TTN: variants seen among roughly 807,000 people sequenced by gnomAD.
TTN encodes the protein connectin.
TTN carries 1,525 observed loss-of-function variants against 3,223.0 expected under a neutral mutation model. The ratio of observed to expected loss-of-function variants is 0.47; its 90% confidence interval spans 0.45 to 0.49. The LOEUF (loss-of-function observed/expected upper bound fraction) is 0.49, where lower values mean the gene tolerates loss of function less well. TTN is among the 20% of genes least tolerant of loss of function. TTN has a pLI of 0.00. For synonymous variants in TTN, 14,094 were observed against 15,161.0 expected, an observed-to-expected ratio of 0.93 and a Z score of 5.17; for missense variants, 40,786 against 43,424.0, an observed-to-expected ratio of 0.94 and a Z score of 5.40.
rs143975327 is a variant in TTN at position 178,558,217 on chromosome 2, A to C, written c.87137T>G (p.Met29046Arg). 1.2e-4 allele frequency: 192 copies of C among 1,606,944 alleles called. No individual in the cohort carries two copies. In the African/African-American group the frequency reaches 2.4e-3, roughly 20 times the overall value. ...TACAGTGTGACTTGGGAAATTCTTCATATCAATTTCAGGTGGTTCTGAAAA... is the reference window on the plus strand; with the variant it reads ...TACAGTGTGACTTGGGAAATTCTTCCTATCAATTTCAGGTGGTTCTGAAAA... The part of the protein sequence containing the change: ...KEQLEPPEID[M>R]KNFPSHTVYV... Residue 29046 changes from methionine (M) to arginine (R), a missense_variant, in exon 328 of 363, where the codon ATG becomes AGG. Met to Arg is a moderately conservative substitution (Grantham distance 91). Transcript: ENST00000589042.
At position 178,740,689 on chromosome 2, in the gene TTN, C is replaced by G; in HGVS notation, c.12544G>C (p.Glu4182Gln). ...GACATGGCACTTGGGAAGATTTTCT[C>G]GGTATCTGATAGAACTGCCTGTGTC... ...PETQAVLSDT[E>Q]KIFPSAMSIE... The change falls in exon 48 of 363, where the codon GAG becomes CAG. Residue 4182 changes from glutamate (E) to glutamine (Q), a missense_variant. Transcript: ENST00000589042. 6.2e-7 allele frequency: 1 copy of G among 1,613,758 alleles called. No homozygotes were observed. Among genetic ancestry groups the G allele is most frequent in the African/African-American group, 1.3e-5 (1 of 74,994 alleles).
At position 178,621,381 on chromosome 2, in the gene TTN, A is replaced by G. The variant is rs113084617; in HGVS notation, c.45350-13T>C. 1,643 of 1,606,982 alleles carry G rather than the reference A, an allele frequency of 1.0e-3. 21 individuals carry two copies. The African/African-American group carries it at 0.019, about 19-fold the overall frequency. Reference sequence around the variant, plus strand: ...TCAGCAGCCAGTTCTGGGAAGAAAAAGTTACAAGATATTAGAAACATATGT... The same window carrying G: ...TCAGCAGCCAGTTCTGGGAAGAAAAGGTTACAAGATATTAGAAACATATGT... On this transcript the variant is annotated splice_polypyrimidine_tract_variant and intron_variant, in intron 245 of 362. Transcript: ENST00000589042.
Position 178,577,270 on chromosome 2 carries a change from G to T in TTN, c.69065C>A (p.Ala23022Asp). 6.2e-7 allele frequency: 1 copy of T among 1,612,896 alleles called. No individual in the cohort carries two copies. The highest frequency in any genetic ancestry group is 8.5e-7 in the Non-Finnish European group (1 of 1,179,480). The change falls in exon 324 of 363, where the codon GCT becomes GAT. Residue 23022 changes from alanine to aspartate, a missense_variant. Transcript: ENST00000589042. ...RKDAGEYTIT[A>D]TNPFGTKVEH... The stretch of plus-strand genomic sequence containing the variant: ...CACCTTCGTGCCAAAAGGATTGGTA[G>T]CAGTGATGGTATATTCACCCGCATC...
chr2:178,672,766 C>T (rs2067242827), intron 152 of TTN, 63 bp from the exon 153 acceptor site: 4 of 1,351,516 alleles, frequency 3.0e-6, no homozygotes, highest in Non-Finnish European at 4.1e-6. Flanking sequence ...GAAATAAAAA[C>T]ACCAGAGACA....
Position 178,731,070 on chromosome 2 carries a change from C to T in TTN, c.17595G>A (p.Leu5865=), listed in dbSNP as rs2154308833. The change falls in exon 60 of 363, where the codon CTG becomes CTA. Residue 5865 remains leucine, a synonymous_variant. Transcript: ENST00000589042. ...TGACACTGATTTTATATTTTGAGCC[C>T]AGGGTCAGTTCTTGGCCATCTTTAA... ...KWFKDGQELT[L]GSKYKISVTD... 2.5e-6 allele frequency: 4 copies of T among 1,613,652 alleles called. No individual in the cohort carries two copies. Among genetic ancestry groups the T allele is most frequent in the Non-Finnish European group, 3.4e-6 (4 of 1,179,726 alleles).
rs747806875 is a variant in TTN, at chr2:178,682,727, G to T, written c.33064C>A (p.Arg11022=). ...ATGTATTCTTCATGCTCTTCATATC[G>T]TTCATACTCCCGCTCCTCGTATTCT... ...YEEYEEREYE[R]YEEHEEYITE... Residue 11022 remains arginine, a synonymous_variant, in exon 135 of 363, where the codon CGA becomes AGA. Coordinates refer to ENST00000589042, the MANE Select transcript of TTN (RefSeq NM_001267550.2). 2 of 1,612,284 alleles carry T rather than the reference G, an allele frequency of 1.2e-6. No homozygotes were observed. The highest frequency in any genetic ancestry group is 3.3e-5 in the Admixed American group (2 of 59,902).
At chr2:178,667,120 T>C in intron 162 of TTN, 116 bp downstream of exon 162, 1 of 1,088,440 alleles carries the variant, frequency 9.2e-7, no homozygotes, top group Non-Finnish European at 1.3e-6. Flanking sequence ...ATCAGATCCT[T>C]TAAACACAGT....
chr2:178,629,176 G>T, intron 240 of TTN, 125 bp downstream of exon 240: 1 of 1,315,814 alleles, frequency 7.6e-7, no homozygotes, highest in Non-Finnish European at 1.0e-6. Flanking sequence ...CAGGCTAAAG[G>T]CGGAAAGAGA....
In TTN at chr2:178,667,247, G is replaced by A. The variant is rs752367298; in HGVS notation, c.35786C>T (p.Pro11929Leu). ...CTAGAGAATTATACCTTCAGTTGGA[G>A]GATGTTCTGGAATTTCAGGAATAGC... is the stretch of plus-strand genomic sequence containing the variant. ...PEAIPEIPEH[P>L]PTEEFEVFKE... Residue 11929 changes from proline to leucine, a missense_variant, in exon 162 of 363, where the codon CCT (proline) becomes CTT (leucine). Coordinates refer to ENST00000589042, the MANE Select transcript of TTN (RefSeq NM_001267550.2). 6.2e-7 allele frequency: 1 copy of A among 1,601,126 alleles called. No homozygotes were observed. The highest frequency in any genetic ancestry group is 8.5e-7 in the Non-Finnish European group (1 of 1,173,622).
chr2:178,603,309 A>G (rs2053945441), intron 282 of TTN, among the ~76,000 whole-genome samples: 1 of 152,004 alleles, frequency 6.6e-6, no homozygotes, highest in Admixed American at 6.6e-5. Context: ...AGAGAATCTA[A>G]TCAGATATGT....
intron 311 of TTN, 104 bp downstream of exon 311, chr2:178,584,172 C>G (rs941577928): frequency 7.6e-7 from 1 of 1,315,326 alleles, no homozygotes; most frequent in South Asian, 1.5e-5. Flanking sequence ...CTTCAGATCT[C>G]TACTACTCTC....
Position 178,723,101 on chromosome 2 carries a change from G to A in TTN, c.21906C>T (p.Cys7302=), listed in dbSNP as rs370548693. 4.2e-5 allele frequency: 67 copies of A among 1,613,354 alleles called. No homozygotes were observed. Among genetic ancestry groups the A allele is most frequent in the Admixed American group, 5.0e-5 (3 of 59,956 alleles). ...STKRDAGQYS[C]EIENEAGRDV... ...CCCTTCCTGCCTCATTTTCAATCTC[G>A]CAGGAATACTGCCCTGCATCTCTTT... Residue 7302 remains cysteine, a synonymous_variant, in exon 75 of 363, where the codon TGC becomes TGT. Transcript: ENST00000589042.
rs938988662 is a variant in TTN at position 178,677,225 on chromosome 2, C to T, written c.34354G>A (p.Val11452Met). Residue 11452 changes from valine (V) to methionine (M), a missense_variant, in exon 147 of 363, where the codon GTG (valine) becomes ATG (methionine). Physicochemically the swap from Val to Met is conservative, Grantham distance 21 (BLOSUM62 1). Coordinates refer to ENST00000589042, the MANE Select transcript of TTN (RefSeq NM_001267550.2). ...CCTTTGGGTGGTGGTGGAGGTTCCA[C>T]TTTTTTAGGGGCGGGAACAGGGACT... ...KKVPVPAPKKVEPPPPPKVPE... is the reference protein window; with the variant it reads ...KKVPVPAPKKMEPPPPPKVPE... 31 of 1,223,608 alleles carry T rather than the reference C, an allele frequency of 2.5e-5. No homozygotes were observed. In the African/African-American group the frequency reaches 3.6e-4, roughly 14 times the overall value. 75.8% of individuals were successfully genotyped at this position (1,223,608 alleles called of 1,614,324 possible). A position where few individuals can be genotyped will look rare whatever the true frequency, so the allele number is the denominator to read the frequency against.
chr2:178,750,444 G>T (rs200935937), intron 47 of TTN: 8 of 1,612,584 alleles, frequency 5.0e-6, no homozygotes, highest in South Asian at 4.4e-5. Context: ...TTTTGATTAC[G>T]TGGGATTGGC....
intron 20 of TTN, among the ~76,000 whole-genome samples, chr2:178,781,618 T>C (rs1342807690): frequency 1.3e-5 from 2 of 152,216 alleles, no homozygotes; most frequent in Non-Finnish European, 2.9e-5. Flanking sequence ...ATCAAATGAA[T>C]AATTAAAACA....
intron 47 of TTN, chr2:178,746,034 C>T (rs777907553): frequency 1.2e-6 from 2 of 1,613,424 alleles, no homozygotes; most frequent in South Asian, 2.2e-5. Flanking sequence ...ACACAATTCA[C>T]AGCTCTGCAC....
At position 178,619,858 on chromosome 2, in the gene TTN, G is replaced by T; in HGVS notation, c.46459C>A (p.Gln15487Lys). 6.2e-7 allele frequency: 1 copy of T among 1,611,600 alleles called. No homozygotes were observed. The highest frequency in any genetic ancestry group is 8.5e-7 in the Non-Finnish European group (1 of 1,178,796). The change falls in exon 250 of 363, where the codon CAA (glutamine) becomes AAA (lysine). Residue 15487 changes from glutamine to lysine, a missense_variant. Coordinates refer to ENST00000589042, the MANE Select transcript of TTN (RefSeq NM_001267550.2). ...GCACCAGGGGCTTCAAGAATATCTT[G>T]TGGAGGCCTGATGATCTCAACAGGA... is the stretch of plus-strand genomic sequence containing the variant. ...EIPVEIIRPP[Q>K]DILEAPGADV...
chr2:178,718,479 A>AT lies in TTN; in HGVS notation c.24626dup (p.Tyr8209Ter). Reference protein sequence around the residue: ...PISVSWIKDEYLISQSERCSI... With the variant: ...PISVSWIKDE ...TGCATCTCTCAGATTGTGAAATAAG[A>AT]TACTCGTCCTTTATCCAGCTCACTG... Residue 8209 changes from tyrosine (Y) to a stop codon, truncating the protein, a stop_gained and frameshift_variant, in exon 85 of 363, where the codon TAT becomes TAAT. Transcript: ENST00000589042. LOFTEE classifies it high-confidence loss of function. The AT allele has an allele frequency of 6.2e-7, 1 of 1,613,708 alleles. No homozygotes were observed. Among genetic ancestry groups the AT allele is most frequent in the Non-Finnish European group, 8.5e-7 (1 of 1,179,714 alleles).
intron 13 of TTN, among the ~76,000 whole-genome samples, chr2:178,787,833 G>T (rs758673138): frequency 1.3e-5 from 2 of 152,072 alleles, no homozygotes; most frequent in African/African-American, 2.4e-5. Flanking sequence ...AAATGAGTAT[G>T]CTGGTAACCG....
Sources: gnomAD v4.1 joint callset for allele counts (sites outside exome capture counted in the v4.1 genomes callset) on GRCh38, gnomAD v4.1.1 for gene constraint, MANE v1.5 for transcripts, NCBI Gene and HGNC (gene_info 2026-07-23, HGNC 2026-07-21) for gene names.